Variants in PTBP3 observed in about 807,000 individuals in gnomAD.
PTBP3 encodes polypyrimidine tract-binding protein 3.
A neutral mutation model predicts 58.7 loss-of-function variants in PTBP3; 20 were observed. The observed-to-expected ratio is 0.34, with a 90% CI of 0.24 to 0.50. PTBP3 has a LOEUF of 0.50. Ranked by LOEUF, PTBP3 falls within the 20% of genes least tolerant of loss-of-function variation. The pLI, the probability that PTBP3 is intolerant of heterozygous loss-of-function variation, is 0.98. For synonymous variants in PTBP3, 185 were observed against 219.8 expected, an observed-to-expected ratio of 0.84 and a Z score of 1.40; for missense variants, 509 against 637.2, an observed-to-expected ratio of 0.80 and a Z score of 2.17.
intron 5 of PTBP3, among the ~76,000 whole-genome samples, chr9:112,254,825 T>A (rs1456348952): frequency 6.6e-6 from 1 of 152,108 alleles, no homozygotes; most frequent in Non-Finnish European, 1.5e-5. Flanking sequence ...CCTTAAAAAA[T>A]TAAAAATAGA....
intron 7 of PTBP3, among the ~76,000 whole-genome samples, chr9:112,240,013 C>T (rs1378211610): frequency 2.6e-5 from 4 of 151,828 alleles, no homozygotes; most frequent in Non-Finnish European, 5.9e-5. Context: ...ACAAGTGGAA[C>T]GATCTGGAGG....
intron 2 of PTBP3, among the ~76,000 whole-genome samples, chr9:112,290,001 G>A (rs1828309696): frequency 6.6e-6 from 1 of 152,106 alleles, no homozygotes. Flanking sequence ...TAATCAATTT[G>A]CAGACAATTG....
chr9:112,260,060 A>C (rs1239480738), intron 5 of PTBP3, among the ~76,000 whole-genome samples: 1 of 152,154 alleles, frequency 6.6e-6, no homozygotes, highest in Non-Finnish European at 1.5e-5. Flanking sequence ...GATACATGCC[A>C]GCACACCCGG....
In PTBP3 at chr9:112,221,686, T is replaced by G. The variant is rs1337834792; in HGVS notation, c.*2165A>C. On this transcript the variant is annotated 3_prime_UTR_variant, in exon 14 of 14. Transcript: ENST00000374257. ...TCCCACAACTACATACATGAGTATA[T>G]CTATCTATTCAGCCAAACTGATCCA... 3 of 985,104 alleles carry G rather than the reference T, an allele frequency of 3.0e-6. No individual in the cohort carries two copies. Among genetic ancestry groups the G allele is most frequent in the African/African-American group, 1.7e-5 (1 of 57,232 alleles). 61.0% of individuals were successfully genotyped at this position (985,104 alleles called of 1,614,324 possible).
At chr9:112,329,223 C>G (rs1448973921) in intron 1 of PTBP3, among the ~76,000 whole-genome samples, 1 of 152,132 alleles carries the variant, frequency 6.6e-6, no homozygotes, top group African/African-American at 2.4e-5. Context: ...CCAGCCTGGG[C>G]AACGTGTCGA....
chr9:112,277,924 A>G (rs1827686796), intron 2 of PTBP3, among the ~76,000 whole-genome samples: 4 of 130,336 alleles, frequency 3.1e-5, no homozygotes, highest in Admixed American at 3.1e-4. Context: ...AACATAACAT[A>G]ACATAACATA....
At chr9:112,339,960 AT>A in the PTBP3 span, among the ~76,000 whole-genome samples, 1 of 151,896 alleles carries the variant, frequency 6.6e-6, no homozygotes, top group South Asian at 2.1e-4. Flanking sequence ...AAACATGTTT[AT>A]TTTTTATTTA....
chr9:112,308,339 ACTC>A (rs1038730855), intron 1 of PTBP3, among the ~76,000 whole-genome samples: 3 of 132,142 alleles, frequency 2.3e-5, no homozygotes, highest in Non-Finnish European at 3.2e-5. Flanking sequence ...TGTTAAACCT[ACTC>A]CTTTTATTTA....
chr9:112,360,679 A>C, the PTBP3 span, among the ~76,000 whole-genome samples: 2 of 152,204 alleles, frequency 1.3e-5, no homozygotes, highest in African/African-American at 4.8e-5. Context: ...AACATCTTAA[A>C]ACTCAAATGG....
chr9:112,302,093 A>G (rs1362852881), intron 1 of PTBP3, among the ~76,000 whole-genome samples: 2 of 152,164 alleles, frequency 1.3e-5, no homozygotes, highest in Non-Finnish European at 2.9e-5. Flanking sequence ...CCCTTCAAAG[A>G]TAAGCAGAAC....
rs572284140 is a variant in PTBP3, at chr9:112,291,702, A to C, written c.34+6130T>G. Among the ~76,000 whole-genome samples, 16 of 152,316 alleles carry C rather than the reference A, an allele frequency of 1.1e-4. No homozygotes were observed. The East Asian group carries it at 3.1e-3, about 29-fold the overall frequency. The stretch of plus-strand genomic sequence containing the variant: ...AAATTGGACTCTTACTTTACACCAC[A>C]TGAAAAAAAATTAACTCAAAATGAA... On this transcript the variant is annotated intron_variant, in intron 2 of 13. Transcript: ENST00000374257.
chr9:112,323,725 T>C (rs1378416778), intron 1 of PTBP3, among the ~76,000 whole-genome samples: 1 of 151,992 alleles, frequency 6.6e-6, no homozygotes, highest in Non-Finnish European at 1.5e-5. Flanking sequence ...CAAACTGAAA[T>C]GCAAAGGAAA....
intron 2 of PTBP3, among the ~76,000 whole-genome samples, chr9:112,281,990 T>C (rs1384681833): frequency 6.9e-5 from 3 of 43,498 alleles, no homozygotes; most frequent in Non-Finnish European, 1.2e-4. Flanking sequence ...ATTTGCTGGC[T>C]GACTTTTCAG....
rs1041050831 is a variant in PTBP3, at chr9:112,333,579, G to C, written c.-161C>G. The C allele has an allele frequency of 6.1e-5, 87 of 1,422,188 alleles. No individual in the cohort carries two copies. The highest frequency in any genetic ancestry group is 8.1e-5 in the Non-Finnish European group (83 of 1,029,786). The allele number at this position is 1,422,188 out of a possible 1,614,324, so 88.1% of individuals were successfully genotyped here. On this transcript the variant is annotated 5_prime_UTR_variant, in exon 1 of 14. Transcript: ENST00000374257. Reference sequence around the variant, plus strand: ...GCGGTTCCGGGGACAAGCGAGCTTTGGCTCTGCGGAGCCCCGGCCGGTCCG... The same window carrying C: ...GCGGTTCCGGGGACAAGCGAGCTTTCGCTCTGCGGAGCCCCGGCCGGTCCG...
intron 7 of PTBP3, among the ~76,000 whole-genome samples, chr9:112,238,584 T>C (rs934910605): frequency 9.2e-5 from 14 of 152,014 alleles, no homozygotes; most frequent in Non-Finnish European, 1.3e-4. Flanking sequence ...TGAGCTCCAA[T>C]TAGAATAAAA....
Position 112,223,704 on chromosome 9 carries a change from A to G in PTBP3, c.*147T>C. ...GGCAGGGGGAATACAAAAAAAAAAA[A>G]TCCCTTGATTTTTAAAATATACTTG... On this transcript the variant is annotated 3_prime_UTR_variant, in exon 14 of 14. Coordinates refer to ENST00000374257, the MANE Select transcript of PTBP3 (RefSeq NM_001163788.4). The G allele has an allele frequency of 7.8e-7, 1 of 1,283,792 alleles. No homozygotes were observed. The highest frequency in any genetic ancestry group is 1.0e-6 in the Non-Finnish European group (1 of 1,000,160). 79.5% of individuals were successfully genotyped at this position (1,283,792 alleles called of 1,614,324 possible).
chr9:112,296,190 C>T (rs1340264924), intron 2 of PTBP3, among the ~76,000 whole-genome samples: 1 of 152,034 alleles, frequency 6.6e-6, no homozygotes, highest in Non-Finnish European at 1.5e-5. Context: ...CCACATTAAG[C>T]TAAGAGAATT....
chr9:112,337,525 A>G (rs1033173168), upstream of PTBP3, among the ~76,000 whole-genome samples: 2 of 152,218 alleles, frequency 1.3e-5, no homozygotes, highest in East Asian at 1.9e-4. Flanking sequence ...CTCAGATATC[A>G]CCTACATGAC....
chr9:112,228,650 C>T (rs915717442), intron 10 of PTBP3, among the ~76,000 whole-genome samples, 178 bp from the exon 11 acceptor site: 5 of 152,174 alleles, frequency 3.3e-5, no homozygotes, highest in African/African-American at 7.2e-5. Context: ...CTCTTTTTCA[C>T]TTGGATGTCC....
Sources: gnomAD v4.1 joint callset for allele counts (sites outside exome capture counted in the v4.1 genomes callset) on GRCh38, gnomAD v4.1.1 for gene constraint, MANE v1.5 for transcripts, NCBI Gene and HGNC (gene_info 2026-07-23, HGNC 2026-07-21) for gene names.